RSU1: variants seen among roughly 807,000 people sequenced by gnomAD.
RSU1 encodes the protein Ras suppressor protein 1.
RSU1 carries 26 observed loss-of-function variants against 31.1 expected under a neutral mutation model. That is an observed-to-expected ratio of 0.84 (90% CI 0.61 to 1.16). The LOEUF is 1.16. Ranked by LOEUF, RSU1 falls within the 50% of genes most tolerant of loss-of-function variation. The pLI, the probability that RSU1 is intolerant of heterozygous loss-of-function variation, is 0.00. For missense variants in RSU1, 320 were observed against 339.1 expected, an observed-to-expected ratio of 0.94 and a Z score of 0.44; for synonymous variants, 164 against 136.3, an observed-to-expected ratio of 1.20 and a Z score of -1.41.
At chr10:16,803,452 T>G (rs1011632593) in intron 2 of RSU1, among the ~76,000 whole-genome samples, 5 of 152,136 alleles carry the variant, frequency 3.3e-5, no homozygotes, top group African/African-American at 9.7e-5. Context: ...ACATATCAAT[T>G]CCAGTCAAAA....
chr10:16,614,454 T>G (rs1833942515), intron 8 of RSU1, among the ~76,000 whole-genome samples: 3 of 150,748 alleles, frequency 2.0e-5, no homozygotes, highest in African/African-American at 7.3e-5. Flanking sequence ...GGCACTATAG[T>G]CCCCCCACCA....
At chr10:16,705,750 A>G (rs1835885959) in intron 7 of RSU1, among the ~76,000 whole-genome samples, 1 of 152,160 alleles carries the variant, frequency 6.6e-6, no homozygotes, top group Non-Finnish European at 1.5e-5. Flanking sequence ...TCGGCCTCCC[A>G]AAGTGCTGGG....
At chr10:16,616,739 C>T (rs1265188532) in intron 8 of RSU1, among the ~76,000 whole-genome samples, 1 of 152,218 alleles carries the variant, frequency 6.6e-6, no homozygotes, top group Non-Finnish European at 1.5e-5. Flanking sequence ...AGTAATCCAT[C>T]ACATTAACTG....
chr10:16,804,416 T>C (rs1320788740), intron 2 of RSU1, among the ~76,000 whole-genome samples: 1 of 152,252 alleles, frequency 6.6e-6, no homozygotes, highest in Non-Finnish European at 1.5e-5. Context: ...TAGTCTCTTA[T>C]AAAGCTAAAC....
intron 7 of RSU1, among the ~76,000 whole-genome samples, chr10:16,716,845 G>A (rs1272492692): frequency 6.6e-6 from 1 of 150,464 alleles, no homozygotes; most frequent in Non-Finnish European, 1.5e-5. Context: ...GAGACAAGAG[G>A]TCAAACAAAT....
chr10:16,783,044 G>C (rs1351511894), intron 2 of RSU1, among the ~76,000 whole-genome samples: 1 of 150,994 alleles, frequency 6.6e-6, no homozygotes, highest in Admixed American at 6.6e-5. Context: ...CCGTGTAGCT[G>C]AGATCACAGG....
intron 8 of RSU1, among the ~76,000 whole-genome samples, chr10:16,601,592 C>T (rs1833715260): frequency 6.6e-6 from 1 of 152,170 alleles, no homozygotes; most frequent in Admixed American, 6.5e-5. Flanking sequence ...GACTTCCCTT[C>T]CCAGTGTGTC....
intron 8 of RSU1, among the ~76,000 whole-genome samples, chr10:16,624,242 C>T (rs1359663970): frequency 6.6e-6 from 1 of 151,946 alleles, no homozygotes; most frequent in African/African-American, 2.4e-5. Flanking sequence ...ACAGAGTCAA[C>T]AATATCAATA....
chr10:16,786,063 G>A (rs1415458494), intron 2 of RSU1, among the ~76,000 whole-genome samples: 2 of 152,112 alleles, frequency 1.3e-5, no homozygotes, highest in Non-Finnish European at 2.9e-5. Flanking sequence ...TTGGTGACTG[G>A]CATTCTCTGT....
intron 2 of RSU1, among the ~76,000 whole-genome samples, chr10:16,793,374 G>C (rs1325103427): frequency 2.0e-5 from 3 of 151,722 alleles, no homozygotes; most frequent in Non-Finnish European, 4.4e-5. Flanking sequence ...GAAAAAAAAA[G>C]ATGGCCCCTG....
At chr10:16,755,766 C>A (rs1837072400) in intron 4 of RSU1, among the ~76,000 whole-genome samples, 1 of 152,194 alleles carries the variant, frequency 6.6e-6, no homozygotes, top group African/African-American at 2.4e-5. Context: ...CTCCCTCCAG[C>A]CTGTGGTAAC....
intron 2 of RSU1, among the ~76,000 whole-genome samples, chr10:16,790,883 C>T (rs1044008326): frequency 1.3e-5 from 2 of 152,190 alleles, no homozygotes; most frequent in African/African-American, 4.8e-5. Context: ...TATAAGTTTT[C>T]TGAAGCCTCC....
At chr10:16,755,878 C>G (rs952045405) in intron 4 of RSU1, among the ~76,000 whole-genome samples, 2 of 152,206 alleles carry the variant, frequency 1.3e-5, no homozygotes, top group Admixed American at 6.5e-5. Context: ...TTCAGTCAGA[C>G]AGCTTACATG....
chr10:16,744,268 T>C (rs889899873), intron 7 of RSU1, among the ~76,000 whole-genome samples: 1 of 152,202 alleles, frequency 6.6e-6, no homozygotes, highest in Non-Finnish European at 1.5e-5. Flanking sequence ...ATATAGCATA[T>C]GTTAAACATG....
intron 7 of RSU1, among the ~76,000 whole-genome samples, chr10:16,711,854 T>C (rs978113264): frequency 6.6e-6 from 1 of 152,230 alleles, no homozygotes; most frequent in Non-Finnish European, 1.5e-5. Flanking sequence ...GAATTTGTAT[T>C]CTGCAGCTGT....
intron 7 of RSU1, among the ~76,000 whole-genome samples, chr10:16,738,129 A>G (rs1440633383): frequency 1.3e-5 from 2 of 152,156 alleles, no homozygotes; most frequent in African/African-American, 4.8e-5. Context: ...ACGGAGAAAA[A>G]CTTCTAACTT....
At chr10:16,786,558 A>C (rs762580456) in intron 2 of RSU1, among the ~76,000 whole-genome samples, 25 of 151,582 alleles carry the variant, frequency 1.6e-4, no homozygotes, top group Non-Finnish European at 2.9e-4. Context: ...GGTGGGGGGG[A>C]GTCAGGTACC....
At position 16,592,846 on chromosome 10, in the gene RSU1, A is replaced by T. The variant is rs546109655; in HGVS notation, c.*548T>A. ...TAAGATGATTTTGGGGGAGAAAAGT[A>T]AATGAAAATGTGTTATACCCCAAGA... is the stretch of plus-strand genomic sequence containing the variant. On this transcript the variant is annotated 3_prime_UTR_variant, in exon 9 of 9. Coordinates refer to ENST00000345264, the MANE Select transcript of RSU1 (RefSeq NM_012425.4). 9.2e-5 allele frequency: 14 copies of T among 152,392 alleles called. No individual in the cohort carries two copies. Among genetic ancestry groups the T allele is most frequent in the African/African-American group, 3.4e-4 (14 of 41,598 alleles). 9.4% of individuals were successfully genotyped at this position (152,392 alleles called of 1,614,324 possible). A position where few individuals can be genotyped will look rare whatever the true frequency, so the allele number is the denominator to read the frequency against.
chr10:16,671,084 C>T (rs73603161), intron 8 of RSU1, among the ~76,000 whole-genome samples: 5,322 of 152,188 alleles, frequency 0.035, 310 homozygotes, highest in African/African-American at 0.12. Flanking sequence ...GTTAAAGCTC[C>T]TGAAATGACT....
Sources: gnomAD v4.1 joint callset for allele counts (sites outside exome capture counted in the v4.1 genomes callset) on GRCh38, gnomAD v4.1.1 for gene constraint, MANE v1.5 for transcripts, NCBI Gene and HGNC (gene_info 2026-07-23, HGNC 2026-07-21) for gene names.